BFSP1: variants seen among roughly 807,000 people sequenced by gnomAD.
BFSP1 encodes the protein beaded filament structural protein 1.
BFSP1 carries 38 observed loss-of-function variants against 43.9 expected under a neutral mutation model. That is an observed-to-expected ratio of 0.87 (90% CI 0.67 to 1.14). The LOEUF is 1.14. BFSP1 is among the 50% of genes most tolerant of loss of function. The pLI, the probability that BFSP1 is intolerant of heterozygous loss-of-function variation, is 0.00. For synonymous variants in BFSP1, 352 were observed against 354.8 expected (o/e 0.99, Z 0.09); for missense variants, 850 against 875.1 (o/e 0.97, Z 0.36).
intron 3 of BFSP1, among the ~76,000 whole-genome samples, chr20:17,512,405 CAA>C (rs56042048): frequency 6.9e-6 from 1 of 145,112 alleles, no homozygotes; most frequent in Non-Finnish European, 1.5e-5. Flanking sequence ...GGCGGAGGCA[CAA>C]AAAAAAAAAG....
upstream of BFSP1, among the ~76,000 whole-genome samples, chr20:17,534,826 C>T (rs2034601048): frequency 6.6e-6 from 1 of 152,058 alleles, no homozygotes; most frequent in African/African-American, 2.4e-5. Flanking sequence ...CGAGACCAGC[C>T]TGGCCAACAT....
In BFSP1 at chr20:17,496,956, T is replaced by C. The variant is rs1158728444; in HGVS notation, c.1024A>G (p.Thr342Ala). ...GCGTTACCTTTCCCACCGGATCCAGTGCTGAGAGAGACTCCATGGCTCTGG... is the reference window on the plus strand; with the variant it reads ...GCGTTACCTTTCCCACCGGATCCAGCGCTGAGAGAGACTCCATGGCTCTGG... ...FTQSHGVSLS[T>A]GSGGKDLTRA... Residue 342 changes from threonine (T) to alanine (A), a missense_variant, in exon 7 of 8, where the codon ACT (threonine) becomes GCT (alanine). By Grantham distance (58) the Thr-to-Ala change is moderately conservative. Transcript: ENST00000377873. 6.5e-7 allele frequency: 1 copy of C among 1,542,978 alleles called. No individual in the cohort carries two copies. The highest frequency in any genetic ancestry group is 8.7e-7 in the Non-Finnish European group (1 of 1,144,846).
chr20:17,525,953 C>G lies in BFSP1; in HGVS notation c.378-1045G>C, dbSNP rs576988510. Among the ~76,000 whole-genome samples, 1 of 152,128 alleles carries G rather than the reference C, an allele frequency of 6.6e-6. No individual in the cohort carries two copies. The highest frequency in any genetic ancestry group is 2.1e-4 in the South Asian group (1 of 4,816). On this transcript the variant is annotated intron_variant, in intron 1 of 7. Coordinates refer to ENST00000377873, the MANE Select transcript of BFSP1 (RefSeq NM_001195.5). This position sits in a 1 kb window ranked among gnomAD's most constrained non-coding sequence, Gnocchi z 4.2. The stretch of plus-strand genomic sequence containing the variant: ...TTTGCTTCTCATTTTCCATCCCTCC[C>G]TCCATCCTGCAGCCAGAAACATGAA...
At chr20:17,563,324 G>A (rs902436589), upstream of BFSP1, among the ~76,000 whole-genome samples, 1 of 152,088 alleles carries the variant, frequency 6.6e-6, no homozygotes, top group Non-Finnish European at 1.5e-5. Flanking sequence ...ATGTGGTCTA[G>A]AAATATGGTA....
chr20:17,523,282 CCTTT>C (rs1227122957), intron 2 of BFSP1, among the ~76,000 whole-genome samples: 1 of 152,058 alleles, frequency 6.6e-6, no homozygotes, highest in Non-Finnish European at 1.5e-5. Context: ...TTCTTTCTCC[CCTTT>C]ATTTGAAGAG....
chr20:17,531,225 C>G lies in BFSP1; in HGVS notation c.105G>C (p.Trp35Cys). Reference protein sequence around the residue: ...AEPERPADEGWAGATSLAALQ... With the variant: ...AEPERPADEGCAGATSLAALQ... ...GCGCCGCCAGGCTCGTTGCCCCAGC[C>G]CAGCCCTCGTCGGCCGGGCGCTCGG... Residue 35 changes from tryptophan to cysteine, a missense_variant, in exon 1 of 8, where the codon TGG becomes TGC. By Grantham distance (215) the Trp-to-Cys change is radical. Coordinates refer to ENST00000377873, the MANE Select transcript of BFSP1 (RefSeq NM_001195.5). The G allele has an allele frequency of 7.2e-7, 1 of 1,384,442 alleles. No homozygotes were observed. Among genetic ancestry groups the G allele is most frequent in the Non-Finnish European group, 9.4e-7 (1 of 1,068,446 alleles). 85.8% of individuals were successfully genotyped at this position (1,384,442 alleles called of 1,614,324 possible). A position where few individuals can be genotyped will look rare whatever the true frequency, so the allele number is the denominator to read the frequency against.
upstream of BFSP1, among the ~76,000 whole-genome samples, chr20:17,534,102 G>C (rs185926363): frequency 1.3e-5 from 2 of 152,350 alleles, no homozygotes; most frequent in East Asian, 3.9e-4. Flanking sequence ...ATCACTGATA[G>C]GAGACCATTC....
intron 1 of BFSP1, among the ~76,000 whole-genome samples, chr20:17,527,463 C>T (rs1368708961): frequency 2.6e-5 from 4 of 152,176 alleles, no homozygotes; most frequent in Non-Finnish European, 4.4e-5. Context: ...CGCGGTGGCT[C>T]ACGCCTGTAA....
chr20:17,503,112 A>T (rs1183351568), intron 5 of BFSP1, among the ~76,000 whole-genome samples: 2 of 152,188 alleles, frequency 1.3e-5, no homozygotes, highest in African/African-American at 4.8e-5. Context: ...AAGCCTCCAC[A>T]TCCTGGGCTC....
chr20:17,544,244 T>A (rs955049218), intron 1 of BFSP1, among the ~76,000 whole-genome samples: 1 of 152,146 alleles, frequency 6.6e-6, no homozygotes, highest in Admixed American at 6.6e-5. Flanking sequence ...CACAGAGATA[T>A]CCCAGGCAAG....
upstream of BFSP1, among the ~76,000 whole-genome samples, chr20:17,533,473 A>C (rs957010102): frequency 6.6e-6 from 1 of 150,908 alleles, no homozygotes; most frequent in Non-Finnish European, 1.5e-5. Context: ...TTCCAGCTGT[A>C]GGTCTCCTTT....
At chr20:17,559,177 G>A (rs1050259104), upstream of BFSP1, among the ~76,000 whole-genome samples, 4 of 152,166 alleles carry the variant, frequency 2.6e-5, no homozygotes, top group African/African-American at 9.7e-5. Context: ...ATAGTTGGGA[G>A]AACCACATTA....
Position 17,493,989 on chromosome 20 carries a change from A to G in BFSP1, c.*85T>C, listed in dbSNP as rs1028203284. On this transcript the variant is annotated 3_prime_UTR_variant, in exon 8 of 8. Transcript: ENST00000377873. ...TGGTCTAATCCAAACAGGAACCCTC[A>G]CCCTTTTATCATTTGCTCTAAAATA... 10 of 1,280,072 alleles carry G rather than the reference A, an allele frequency of 7.8e-6. No homozygotes were observed. In the East Asian group the frequency reaches 2.3e-4, roughly 30 times the overall value. The allele number at this position is 1,280,072 out of a possible 1,614,324, so 79.3% of individuals were successfully genotyped here.
intron 1 of BFSP1, among the ~76,000 whole-genome samples, chr20:17,564,709 C>G (rs2035100280): frequency 6.6e-6 from 1 of 152,164 alleles, no homozygotes; most frequent in East Asian, 1.9e-4. Flanking sequence ...CTGACTCAGC[C>G]ACCTGAGTAG....
At position 17,531,288 on chromosome 20, in the gene BFSP1, C is replaced by G. The variant is rs777079491; in HGVS notation, c.42G>C (p.Gln14His). 3 of 1,473,790 alleles carry G rather than the reference C, an allele frequency of 2.0e-6. No individual in the cohort carries two copies. The highest frequency in any genetic ancestry group is 2.9e-5 in the East Asian group (1 of 34,714). 91.3% of individuals were successfully genotyped at this position (1,473,790 alleles called of 1,614,324 possible). A position where few individuals can be genotyped will look rare whatever the true frequency, so the allele number is the denominator to read the frequency against. ...RSYVFQTRKE[Q>H]YEHADEASRA... ...GCGAAGCCTCGTCGGCGTGCTCGTA[C>G]TGCTCCTTGCGGGTCTGGAAGACGT... Residue 14 changes from glutamine (Q) to histidine (H), a missense_variant, in exon 1 of 8, where the codon CAG becomes CAC. Transcript: ENST00000377873.
intron 7 of BFSP1, among the ~76,000 whole-genome samples, chr20:17,496,170 G>A (rs187349283): frequency 1.8e-4 from 27 of 152,344 alleles, no homozygotes; most frequent in African/African-American, 6.5e-4. Context: ...AGGGCCGCTC[G>A]TCTGCAGACC....
chr20:17,540,723 T>A (rs561605538), intron 1 of BFSP1, among the ~76,000 whole-genome samples: 2 of 152,114 alleles, frequency 1.3e-5, no homozygotes, highest in Admixed American at 1.3e-4. Context: ...GTGCCTCTCA[T>A]GTCCTCTAGC....
At chr20:17,556,226 G>A (rs536044024) in intron 1 of BFSP1, among the ~76,000 whole-genome samples, 2 of 152,038 alleles carry the variant, frequency 1.3e-5, no homozygotes, top group Admixed American at 6.6e-5. Flanking sequence ...TCATCAGCCG[G>A]GTGCAGTGGC....
chr20:17,524,977 A>G, intron 1 of BFSP1, 69 bp from the exon 2 acceptor site: 2 of 1,384,620 alleles, frequency 1.4e-6, no homozygotes, highest in Admixed American at 3.4e-5. Flanking sequence ...TCACATAATC[A>G]GCATTAAATT....
Sources: gnomAD v4.1 joint callset for allele counts (sites outside exome capture counted in the v4.1 genomes callset) on GRCh38, gnomAD v4.1.1 for gene constraint, Gnocchi (gnomAD v3.1) non-coding constraint, MANE v1.5 for transcripts, NCBI Gene and HGNC (gene_info 2026-07-23, HGNC 2026-07-21) for gene names.